Variants in SHISA9 observed in about 807,000 individuals in gnomAD.
SHISA9 encodes protein shisa-9.
SHISA9 carries 13 observed loss-of-function variants against 38.0 expected under a neutral mutation model. The ratio of observed to expected loss-of-function variants is 0.34; its 90% confidence interval spans 0.22 to 0.54. SHISA9 has a LOEUF of 0.54. Ranked by LOEUF, SHISA9 falls within the 20% of genes least tolerant of loss-of-function variation. The pLI, the probability that SHISA9 is intolerant of heterozygous loss-of-function variation, is 0.91. For missense variants in SHISA9, 538 were observed against 575.8 expected, an observed-to-expected ratio of 0.93 and a Z score of 0.67; for synonymous variants, 275 against 242.0, an observed-to-expected ratio of 1.14 and a Z score of -1.27.
chr16:13,377,499 T>G, the SHISA9 span, among the ~76,000 whole-genome samples: 1 of 152,216 alleles, frequency 6.6e-6, no homozygotes, highest in Non-Finnish European at 1.5e-5. Context: ...TAGGCCATGC[T>G]GAGCAGAGAG....
intron 2 of SHISA9, among the ~76,000 whole-genome samples, chr16:13,061,176 C>T (rs1383311318): frequency 6.6e-6 from 1 of 152,138 alleles, no homozygotes; most frequent in Non-Finnish European, 1.5e-5. Context: ...CCACACGGGG[C>T]CTGATACGGC....
the SHISA9 span, among the ~76,000 whole-genome samples, chr16:13,536,167 T>A: frequency 6.6e-6 from 1 of 152,002 alleles, no homozygotes; most frequent in Admixed American, 6.6e-5. Flanking sequence ...CCCAGCTAAT[T>A]TTTGTATTTT....
intron 2 of SHISA9, among the ~76,000 whole-genome samples, chr16:13,078,447 C>T (rs1337867036): frequency 3.3e-5 from 5 of 151,492 alleles, no homozygotes; most frequent in Non-Finnish European, 7.4e-5. Flanking sequence ...ATTCTGTCAC[C>T]CAGACTGGAG....
the SHISA9 span, among the ~76,000 whole-genome samples, chr16:13,441,510 C>G: frequency 1.3e-5 from 2 of 152,202 alleles, no homozygotes; most frequent in Admixed American, 1.3e-4. Context: ...CCCAGCCTAT[C>G]CCATGGAACA....
At chr16:13,058,699 G>T (rs1020967836) in intron 2 of SHISA9, among the ~76,000 whole-genome samples, 1 of 152,020 alleles carries the variant, frequency 6.6e-6, no homozygotes, top group African/African-American at 2.4e-5. Flanking sequence ...ACAGGTTCAG[G>T]GCTGCCATCC....
chr16:12,942,246 C>T lies in SHISA9; in HGVS notation c.691+25431C>T, dbSNP rs77695650. On this transcript the variant is annotated intron_variant, in intron 2 of 4. Transcript: ENST00000558583. ...TTCTCTTGTATTTCCCTCCTCGGGA[C>T]GGGAGAGTGGAACCTTCAGAAGTTG... Among the ~76,000 whole-genome samples the T allele has an allele frequency of 1.0e-3, 157 of 152,312 alleles. 1 individual carries two copies. The highest frequency in any genetic ancestry group is 3.6e-3 in the African/African-American group (150 of 41,582).
intron 2 of SHISA9, among the ~76,000 whole-genome samples, chr16:13,125,726 G>C (rs1191089257): frequency 1.3e-5 from 2 of 152,306 alleles, no homozygotes; most frequent in East Asian, 3.9e-4. Context: ...CTCCAAACTT[G>C]ATACTTTATT....
chr16:13,388,697 A>T, the SHISA9 span, among the ~76,000 whole-genome samples: 1 of 152,092 alleles, frequency 6.6e-6, no homozygotes, highest in Non-Finnish European at 1.5e-5. Flanking sequence ...TTCTGAGCCT[A>T]AGTCTCTTTT....
chr16:12,910,413 C>A, intron 1 of SHISA9: 1 of 963,100 alleles, frequency 1.0e-6, no homozygotes. Flanking sequence ...CAAAAGCAAT[C>A]CCTGCCCTTG....
chr16:12,935,494 A>G (rs7196685), intron 2 of SHISA9, among the ~76,000 whole-genome samples: 21,437 of 152,132 alleles, frequency 0.14, 1,858 homozygotes, highest in African/African-American at 0.24. Flanking sequence ...GAATGTCTCC[A>G]GCAAAAATGG....
At chr16:12,986,764 A>G (rs1047305326) in intron 2 of SHISA9, among the ~76,000 whole-genome samples, 6 of 152,206 alleles carry the variant, frequency 3.9e-5, no homozygotes, top group Admixed American at 2.6e-4. Context: ...AGTCCTGACA[A>G]TTCTACGAAG....
chr16:13,504,958 C>G, the SHISA9 span, among the ~76,000 whole-genome samples: 2 of 152,080 alleles, frequency 1.3e-5, no homozygotes, highest in East Asian at 3.8e-4. Context: ...TAGATAACAG[C>G]CTCAGGCCCC....
At chr16:13,357,247 T>A in the SHISA9 span, among the ~76,000 whole-genome samples, 1 of 152,282 alleles carries the variant, frequency 6.6e-6, no homozygotes, top group Non-Finnish European at 1.5e-5. Flanking sequence ...GTGAAGTCCG[T>A]GACCGGCGCC....
chr16:13,110,968 G>C (rs751850616), intron 2 of SHISA9, among the ~76,000 whole-genome samples: 6 of 152,154 alleles, frequency 3.9e-5, no homozygotes, highest in Non-Finnish European at 7.4e-5. Flanking sequence ...AGACATACAA[G>C]AGATGTGAAA....
the SHISA9 span, among the ~76,000 whole-genome samples, chr16:13,434,957 G>T: frequency 6.6e-6 from 1 of 152,188 alleles, no homozygotes; most frequent in African/African-American, 2.4e-5. Flanking sequence ...AGCAGAGAAA[G>T]CCTTTGGGGC....
chr16:12,966,421 GTTCT>G (rs1397969231), intron 2 of SHISA9, among the ~76,000 whole-genome samples: 2 of 152,052 alleles, frequency 1.3e-5, no homozygotes, highest in African/African-American at 4.8e-5. Context: ...AGATATGTGC[GTTCT>G]TTCTTTTTTT....
At chr16:13,080,387 A>G (rs1014987270) in intron 2 of SHISA9, among the ~76,000 whole-genome samples, 81 of 152,270 alleles carry the variant, frequency 5.3e-4, no homozygotes, top group Non-Finnish European at 2.8e-4. Flanking sequence ...AAATAAATAA[A>G]TAAGTAAAAA....
At chr16:13,294,353 AAGTT>A in the SHISA9 span, among the ~76,000 whole-genome samples, 1 of 152,174 alleles carries the variant, frequency 6.6e-6, no homozygotes, top group Non-Finnish European at 1.5e-5. Context: ...CTGTATGTTA[AAGTT>A]AGTTAGGCCA....
the SHISA9 span, among the ~76,000 whole-genome samples, chr16:13,315,185 T>A: frequency 6.6e-6 from 1 of 152,202 alleles, no homozygotes; most frequent in Non-Finnish European, 1.5e-5. Flanking sequence ...GAAAATCACT[T>A]GTAGCATAGC....
Sources: gnomAD v4.1 joint callset for allele counts (sites outside exome capture counted in the v4.1 genomes callset) on GRCh38, gnomAD v4.1.1 for gene constraint, MANE v1.5 for transcripts, NCBI Gene and HGNC (gene_info 2026-07-23, HGNC 2026-07-21) for gene names.